Variants in NOL11 observed in about 807,000 individuals in gnomAD.
NOL11 encodes the protein nucleolar protein 11.
In NOL11, 42 loss-of-function variants were observed where a neutral mutation model predicts 93.0. The ratio of observed to expected loss-of-function variants is 0.45; its 90% CI spans 0.35 to 0.58. NOL11 has a LOEUF of 0.58. Ranked by LOEUF, NOL11 falls within the 20% of genes least tolerant of loss-of-function variation. The pLI is 0.00. For synonymous variants in NOL11, 296 were observed against 293.7 expected (o/e 1.01, Z -0.08); for missense variants, 775 against 841.8 (o/e 0.92, Z 0.98).
In NOL11 at chr17:67,724,063, T is replaced by C. The variant is rs762425990; in HGVS notation, c.534T>C (p.Phe178=). ...IFITEKHGNY[F]AYVQMFNSRI... ...TTTTTTTGCAGCATGGAAATTACTT[T>C]GCTTACGTGCAAATGTTTAACTCAC... Residue 178 remains phenylalanine (F), a synonymous_variant, in exon 6 of 18, where the codon TTT becomes TTC. Transcript: ENST00000253247. 3.9e-6 allele frequency: 6 copies of C among 1,549,772 alleles called. No homozygotes were observed. The African/African-American group carries it at 8.4e-5, about 22-fold the overall frequency.
At position 67,744,210 on chromosome 17, in the gene NOL11, G is replaced by C. The variant is rs1187301589; in HGVS notation, c.*351G>C. The stretch of plus-strand genomic sequence containing the variant: ...ATGACCATTGAAGCAGTGATTCTAG[G>C]AAGAATGTAATTTTATCAGAGTCAG... On this transcript the variant is annotated 3_prime_UTR_variant, in exon 18 of 18. Transcript: ENST00000253247. 1 of 153,108 alleles carries C rather than the reference G, an allele frequency of 6.5e-6. No individual in the cohort carries two copies. Among genetic ancestry groups the C allele is most frequent in the Non-Finnish European group, 1.5e-5 (1 of 68,740 alleles). The allele number at this position is 153,108 out of a possible 1,614,324, so 9.5% of individuals were successfully genotyped here.
intron 3 of NOL11, among the ~76,000 whole-genome samples, chr17:67,720,938 CAG>C (rs1158956751): frequency 6.6e-6 from 1 of 152,188 alleles, no homozygotes; most frequent in African/African-American, 2.4e-5. Flanking sequence ...GAATTTTAAA[CAG>C]TGGGGGTTTT....
At chr17:67,732,355 C>T (rs2055161477) in intron 7 of NOL11, among the ~76,000 whole-genome samples, 1 of 151,744 alleles carries the variant, frequency 6.6e-6, no homozygotes, top group Non-Finnish European at 1.5e-5. Context: ...TGTGGTGGCA[C>T]ATGCCTATAA....
chr17:67,739,704 T>C (rs2055237416), intron 16 of NOL11, 96 bp downstream of exon 16: 1 of 739,802 alleles, frequency 1.4e-6, no homozygotes, highest in Non-Finnish European at 2.3e-6. Context: ...GCTGACTTCT[T>C]GTTTCCTAGG....
At chr17:67,718,142 C>T in intron 1 of NOL11, 54 bp downstream of exon 1, 1 of 1,587,328 alleles carries the variant, frequency 6.3e-7, no homozygotes. Context: ...CCTTTCTGAG[C>T]GCGGAGCTCG....
chr17:67,720,415 C>A (rs2365405), intron 3 of NOL11: 77,579 of 151,814 alleles, frequency 0.51, 20,065 homozygotes, highest in Admixed American at 0.62. Context: ...GATTCTCCTG[C>A]CTCAGCCTCC....
chr17:67,737,602 C>A lies in NOL11; in HGVS notation c.1313C>A (p.Thr438Lys). 6.2e-7 allele frequency: 1 copy of A among 1,614,150 alleles called. No homozygotes were observed. Among genetic ancestry groups the A allele is most frequent in the Non-Finnish European group, 8.5e-7 (1 of 1,180,014 alleles). The change falls in exon 12 of 18, where the codon ACA becomes AAA. Residue 438 changes from threonine to lysine, a missense_variant. Physicochemically the swap from Thr to Lys is moderately conservative, Grantham distance 78. Around this residue, in one of 2 missense-constraint regions of NOL11, gnomAD observed 416 missense variants for 525.2 expected, o/e 0.79. Coordinates refer to ENST00000253247, the MANE Select transcript of NOL11 (RefSeq NM_015462.5). ...CATACTGTCATTGGGGACACAGTAA[C>A]AGGACTTCTGGAAAGGTGTAAAGCA... ...DFHTVIGDTV[T>K]GLLERCKAEP... is the part of the protein sequence containing the mutation.
rs775752641 is a variant in NOL11 at position 67,726,612 on chromosome 17, G to A, written c.817G>A (p.Val273Ile). The A allele has an allele frequency of 8.7e-6, 14 of 1,613,230 alleles. No homozygotes were observed. Among genetic ancestry groups the A allele is most frequent in the East Asian group, 4.5e-5 (2 of 44,838 alleles). ...ACTCACTGCCCTGGATCAGGATCACGTCGCAGTCCTAGGAAGTCCACTAGC... is the reference window on the plus strand; with the variant it reads ...ACTCACTGCCCTGGATCAGGATCACATCGCAGTCCTAGGAAGTCCACTAGC... ...VALTALDQDH[V>I]AVLGSPLAAS... The change falls in exon 7 of 18, where the codon GTC (valine) becomes ATC (isoleucine). Residue 273 changes from valine (V) to isoleucine (I), a missense_variant. Around this residue, in one of 2 missense-constraint regions of NOL11, gnomAD observed 416 missense variants for 525.2 expected, o/e 0.79. Coordinates refer to ENST00000253247, the MANE Select transcript of NOL11 (RefSeq NM_015462.5).
intron 10 of NOL11, 119 bp downstream of exon 10, chr17:67,736,873 C>G: frequency 1.2e-6 from 1 of 815,178 alleles, no homozygotes; most frequent in Admixed American, 2.6e-5. Context: ...AATGACAGGA[C>G]AGTTTGCGGC....
At chr17:67,736,294 A>G (rs2055201499) in intron 9 of NOL11, among the ~76,000 whole-genome samples, 1 of 151,482 alleles carries the variant, frequency 6.6e-6, no homozygotes, top group Non-Finnish European at 1.5e-5. Flanking sequence ...AGAAAATGGA[A>G]AACAAAAAAA....
intron 17 of NOL11, 39 bp from the exon 18 acceptor site, chr17:67,743,704 A>G: frequency 1.6e-6 from 2 of 1,257,154 alleles, no homozygotes; most frequent in Non-Finnish European, 2.2e-6. Flanking sequence ...TTCTATGTAG[A>G]CATTATGGTA....
chr17:67,721,246 A>T, intron 3 of NOL11, 132 bp from the exon 4 acceptor site: 1 of 567,986 alleles, frequency 1.8e-6, no homozygotes, highest in Non-Finnish European at 2.9e-6. Flanking sequence ...TTGGAACCAT[A>T]CATAATTATA....
In NOL11 at chr17:67,738,351, C is replaced by T. The variant is rs377086049; in HGVS notation, c.1759C>T (p.Leu587=). The change falls in exon 14 of 18, where the codon CTA becomes TTA. Residue 587 remains leucine (L), a synonymous_variant. Coordinates refer to ENST00000253247, the MANE Select transcript of NOL11 (RefSeq NM_015462.5). The part of the protein sequence containing the change: ...SCPVVQKRAA[L]LNAILHSAYS... ...CCCTGTGGTACAAAAAAGAGCAGCT[C>T]TACTGTATCCTTTGACATAGAGCAT... The T allele has an allele frequency of 6.2e-7, 1 of 1,600,724 alleles. No individual in the cohort carries two copies. The highest frequency in any genetic ancestry group is 8.5e-7 in the Non-Finnish European group (1 of 1,170,674).
chr17:67,731,892 A>G (rs1001545143), intron 7 of NOL11, among the ~76,000 whole-genome samples: 90 of 152,352 alleles, frequency 5.9e-4, no homozygotes, highest in African/African-American at 2.1e-3. Flanking sequence ...TTTGGAAATC[A>G]GGAAGTATGA....
chr17:67,737,628 G>A lies in NOL11; in HGVS notation c.1339G>A (p.Glu447Lys). ...AGGACTTCTGGAAAGGTGTAAAGCA[G>A]AACCATCATTTTATCCCCGGAACTG... ...VTGLLERCKAEPSFYPRNCLM... is the reference protein window; with the variant it reads ...VTGLLERCKAKPSFYPRNCLM... The change falls in exon 12 of 18, where the codon GAA becomes AAA. Residue 447 changes from glutamate to lysine, a missense_variant. Coordinates refer to ENST00000253247, the MANE Select transcript of NOL11 (RefSeq NM_015462.5). 1 of 1,614,122 alleles carries A rather than the reference G, an allele frequency of 6.2e-7. No homozygotes were observed. The highest frequency in any genetic ancestry group is 8.5e-7 in the Non-Finnish European group (1 of 1,180,002).
In NOL11 at chr17:67,739,030, G is replaced by A. The variant is rs745896255; in HGVS notation, c.1842+20G>A. On this transcript the variant is annotated intron_variant, in intron 15 of 17. Coordinates refer to ENST00000253247, the MANE Select transcript of NOL11 (RefSeq NM_015462.5). ...ATCACGGTAAGTGTTCATACAAGTT[G>A]TATAGAATTTTACTTCTGGTTTAAA... 6 of 1,549,348 alleles carry A rather than the reference G, an allele frequency of 3.9e-6. No individual in the cohort carries two copies. The highest frequency in any genetic ancestry group is 5.3e-6 in the Non-Finnish European group (6 of 1,127,660).
At chr17:67,743,704 A>C in intron 17 of NOL11, 39 bp from the exon 18 acceptor site, 1 of 1,257,154 alleles carries the variant, frequency 8.0e-7, no homozygotes, top group Non-Finnish European at 1.1e-6. Flanking sequence ...TTCTATGTAG[A>C]CATTATGGTA....
intron 6 of NOL11, among the ~76,000 whole-genome samples, chr17:67,724,652 T>G (rs988320989): frequency 2.0e-5 from 3 of 152,218 alleles, no homozygotes; most frequent in Non-Finnish European, 4.4e-5. Context: ...CTTTTTGTAC[T>G]TTGCATGTCT....
intron 15 of NOL11, 135 bp downstream of exon 15, chr17:67,739,145 C>CA (rs2055231425): frequency 1.5e-6 from 1 of 660,586 alleles, no homozygotes; most frequent in Non-Finnish European, 2.6e-6. Context: ...GCTCTAATGG[C>CA]AAAAAATTGT....
Sources: gnomAD v4.1 joint callset for allele counts (sites outside exome capture counted in the v4.1 genomes callset) on GRCh38, gnomAD v4.1.1 for gene constraint, gnomAD v4.1.1 regional missense constraint, MANE v1.5 for transcripts, NCBI Gene and HGNC (gene_info 2026-07-23, HGNC 2026-07-21) for gene names.